Variants in SORCS1 observed in about 807,000 individuals in gnomAD.
SORCS1 encodes VPS10 domain-containing receptor SorCS1.
In SORCS1, 60 loss-of-function variants were observed where a neutral mutation model predicts 146.1. The ratio of observed to expected loss-of-function variants is 0.41; its 90% CI spans 0.33 to 0.51. SORCS1 has a LOEUF of 0.51. SORCS1 is among the 20% of genes least tolerant of loss of function. SORCS1 has a pLI of 0.21. For synonymous variants in SORCS1, 637 were observed against 584.0 expected (o/e 1.09, Z -1.31); for missense variants, 1,352 against 1,487.6 (o/e 0.91, Z 1.50).
chr10:107,046,725 C>T (rs2134022289), intron 1 of SORCS1, among the ~76,000 whole-genome samples: 2 of 152,270 alleles, frequency 1.3e-5, no homozygotes, highest in South Asian at 4.2e-4. Context: ...GATTATTTGG[C>T]TTTCTAAATT....
chr10:106,873,520 A>C (rs1950489235), intron 2 of SORCS1, among the ~76,000 whole-genome samples: 1 of 152,174 alleles, frequency 6.6e-6, no homozygotes, highest in Non-Finnish European at 1.5e-5. Flanking sequence ...ATATAATGTT[A>C]GAGAACAGAC....
intron 5 of SORCS1, among the ~76,000 whole-genome samples, chr10:106,758,687 T>C (rs1245207675): frequency 2.0e-5 from 3 of 152,146 alleles, no homozygotes; most frequent in Non-Finnish European, 4.4e-5. Flanking sequence ...ATACTTTACA[T>C]GTAAAACACA....
At chr10:106,594,937 A>C (rs190214505) in intron 24 of SORCS1, among the ~76,000 whole-genome samples, 2 of 152,378 alleles carry the variant, frequency 1.3e-5, no homozygotes, top group East Asian at 3.9e-4. Context: ...GAATCTTTTT[A>C]AAACGATATT....
intron 1 of SORCS1, among the ~76,000 whole-genome samples, chr10:107,064,331 A>C (rs1961534325): frequency 3.3e-5 from 5 of 152,130 alleles, no homozygotes. Flanking sequence ...CAATTAATGC[A>C]TTTGGCTTGA....
At position 107,057,886 on chromosome 10, in the gene SORCS1, A is replaced by G. The variant is rs530141658; in HGVS notation, c.559-101306T>C. On this transcript the variant is annotated intron_variant, in intron 1 of 25. Transcript: ENST00000263054. ...GCAGTGGCTACTCACAGGCATGGTC[A>G]TCGCACTCTACAGCCTCAAATTCCT... Among the ~76,000 whole-genome samples, 168 of 152,240 alleles carry G rather than the reference A, an allele frequency of 1.1e-3. 1 individual carries two copies. Among genetic ancestry groups the G allele is most frequent in the Non-Finnish European group, 1.2e-3 (84 of 68,002 alleles).
At chr10:106,699,809 T>C (rs994935180) in intron 8 of SORCS1, among the ~76,000 whole-genome samples, 17 of 152,212 alleles carry the variant, frequency 1.1e-4, no homozygotes, top group African/African-American at 4.1e-4. Context: ...AAACCCTGCA[T>C]GTCTCAGCAT....
intron 1 of SORCS1, among the ~76,000 whole-genome samples, chr10:107,046,161 G>T (rs535445185): frequency 5.1e-4 from 78 of 152,202 alleles, no homozygotes; most frequent in East Asian, 9.7e-4. Context: ...TGGCCAGATG[G>T]TCTCAATCTC....
At chr10:106,717,718 A>G (rs1278406405) in intron 6 of SORCS1, among the ~76,000 whole-genome samples, 3 of 152,240 alleles carry the variant, frequency 2.0e-5, no homozygotes, top group Non-Finnish European at 4.4e-5. Flanking sequence ...TAACTGCAGT[A>G]ATTGCCAAAA....
intron 5 of SORCS1, 137 bp downstream of exon 5, chr10:106,761,451 G>A: frequency 1.4e-6 from 1 of 692,098 alleles, no homozygotes; most frequent in East Asian, 2.7e-5. Context: ...ATCCTGCCCT[G>A]AGGGGATGTG....
chr10:107,150,776 G>A (rs1968723358), intron 1 of SORCS1, among the ~76,000 whole-genome samples: 1 of 152,104 alleles, frequency 6.6e-6, no homozygotes, highest in South Asian at 2.1e-4. Context: ...TTTTACAAGG[G>A]GCTTTTCCCC....
At chr10:106,985,645 T>C (rs1031192965) in intron 1 of SORCS1, among the ~76,000 whole-genome samples, 47 of 151,548 alleles carry the variant, frequency 3.1e-4, no homozygotes, top group African/African-American at 1.1e-3. Flanking sequence ...CAAGCGATTC[T>C]CCTGCCTCAG....
intron 9 of SORCS1, among the ~76,000 whole-genome samples, chr10:106,693,354 G>A (rs1232813558): frequency 1.3e-5 from 2 of 152,134 alleles, no homozygotes; most frequent in African/African-American, 4.8e-5. Flanking sequence ...CTTAGATCTG[G>A]ACTCCAAGTC....
chr10:106,855,406 T>C (rs945992990), intron 2 of SORCS1, among the ~76,000 whole-genome samples: 3 of 152,220 alleles, frequency 2.0e-5, no homozygotes, highest in Non-Finnish European at 4.4e-5. Context: ...TAGTGTTCTC[T>C]GAGTTTTCTA....
At chr10:106,936,255 T>C (rs970428944) in intron 2 of SORCS1, among the ~76,000 whole-genome samples, 1 of 152,192 alleles carries the variant, frequency 6.6e-6, no homozygotes, top group African/African-American at 2.4e-5. Context: ...TGGTATCTCA[T>C]GGGCACTCAG....
the SORCS1 span, among the ~76,000 whole-genome samples, chr10:107,178,824 T>C: frequency 6.6e-6 from 1 of 150,592 alleles, no homozygotes; most frequent in African/African-American, 2.5e-5. Context: ...CAGTATTTCA[T>C]TGTATATATA....
intron 2 of SORCS1, among the ~76,000 whole-genome samples, chr10:106,834,245 G>A (rs1948689421): frequency 6.6e-6 from 1 of 152,274 alleles, no homozygotes; most frequent in East Asian, 1.9e-4. Context: ...AAGAGGTTAG[G>A]CAGCAGACTG....
chr10:107,024,173 CAAA>C (rs60404386), intron 1 of SORCS1, among the ~76,000 whole-genome samples: 2,302 of 94,514 alleles, frequency 0.024, 64 homozygotes, highest in African/African-American at 0.078. Flanking sequence ...GATTCCATCT[CAAA>C]AAAAAAAAAA....
At chr10:106,768,778 C>T (rs1859767444) in intron 4 of SORCS1, among the ~76,000 whole-genome samples, 1 of 152,234 alleles carries the variant, frequency 6.6e-6, no homozygotes, top group East Asian at 1.9e-4. Flanking sequence ...AGCTGCACCA[C>T]ACCAGGGGTG....
At chr10:107,073,428 C>T (rs991666677) in intron 1 of SORCS1, among the ~76,000 whole-genome samples, 5 of 152,194 alleles carry the variant, frequency 3.3e-5, no homozygotes, top group African/African-American at 1.2e-4. Context: ...AAGGATTCTG[C>T]CCTCTAATTG....
Sources: allele counts gnomAD v4.1 joint callset (sites outside exome capture counted in the v4.1 genomes callset), GRCh38; gene constraint gnomAD v4.1.1; transcripts MANE v1.5; gene names NCBI Gene and HGNC (gene_info 2026-07-23, HGNC 2026-07-21).